The following ADORA2B variants were observed in gnomAD, a reference collection of about 807,000 sequenced individuals.
ADORA2B encodes adenosine receptor A2b.
A neutral mutation model predicts 20.8 loss-of-function variants in ADORA2B; 18 were observed. The observed-to-expected ratio is 0.87, with a 90% CI of 0.60 to 1.29. The LOEUF (loss-of-function observed/expected upper bound fraction) is 1.29. Ranked by LOEUF, ADORA2B falls within the 50% of genes most tolerant of loss-of-function variation. The probability of loss-of-function intolerance (pLI) is 0.00; values close to 1 mark genes in which losing one functional copy is unlikely to be tolerated. For synonymous variants in ADORA2B, 179 were observed against 178.3 expected, an observed-to-expected ratio of 1.00 and a Z score of -0.03; for missense variants, 441 against 422.7, an observed-to-expected ratio of 1.04 and a Z score of -0.38.
At chr17:15,885,335 T>C in the ADORA2B span, among the ~76,000 whole-genome samples, 1 of 152,176 alleles carries the variant, frequency 6.6e-6, no homozygotes, top group Non-Finnish European at 1.5e-5. Flanking sequence ...GGCTGTTCTT[T>C]GGGGCAATGC....
chr17:15,964,757 ATG>A (rs1970082265), intron 1 of ADORA2B, among the ~76,000 whole-genome samples: 1 of 151,078 alleles, frequency 6.6e-6, no homozygotes, highest in African/African-American at 2.5e-5. Context: ...TGAAAAATAG[ATG>A]AATATTAAAA....
At chr17:15,942,689 C>T (rs1395051917), upstream of ADORA2B, among the ~76,000 whole-genome samples, 1 of 152,230 alleles carries the variant, frequency 6.6e-6, no homozygotes, top group Non-Finnish European at 1.5e-5. Context: ...TCCTCTCCCT[C>T]TGCAAAATCT....
At chr17:15,950,927 C>T (rs985687543) in intron 1 of ADORA2B, among the ~76,000 whole-genome samples, 1 of 152,272 alleles carries the variant, frequency 6.6e-6, no homozygotes, top group African/African-American at 2.4e-5. Context: ...CATGTCCTTA[C>T]TCAGAGTCTC....
chr17:15,937,264 G>A, the ADORA2B span, among the ~76,000 whole-genome samples: 7,168 of 152,238 alleles, frequency 0.047, 535 homozygotes, highest in African/African-American at 0.16. Flanking sequence ...TGTGATGTCT[G>A]TATTTTTTGT....
chr17:15,964,494 A>G (rs908622317), intron 1 of ADORA2B, among the ~76,000 whole-genome samples: 2 of 151,440 alleles, frequency 1.3e-5, no homozygotes, highest in African/African-American at 2.4e-5. Flanking sequence ...CTGTAATCCC[A>G]GCTACTCAGG....
intron 1 of ADORA2B, among the ~76,000 whole-genome samples, chr17:15,953,891 C>T (rs1028417495): frequency 6.6e-6 from 1 of 152,192 alleles, no homozygotes; most frequent in Admixed American, 6.5e-5. Flanking sequence ...GAGGCAGCCA[C>T]TATTTCTCAT....
the ADORA2B span, among the ~76,000 whole-genome samples, chr17:15,899,814 A>C: frequency 0.092 from 13,881 of 151,396 alleles, 852 homozygotes; most frequent in Non-Finnish European, 0.14. Context: ...CATGGTGTTT[A>C]TATGTACCAC....
chr17:15,893,524 C>T, the ADORA2B span, among the ~76,000 whole-genome samples: 11 of 137,746 alleles, frequency 8.0e-5, no homozygotes, highest in African/African-American at 2.8e-4. Flanking sequence ...CTTTCTTCCT[C>T]CCTGCTGTAG....
the ADORA2B span, among the ~76,000 whole-genome samples, chr17:15,924,440 T>C: frequency 6.6e-6 from 1 of 152,196 alleles, no homozygotes; most frequent in Non-Finnish European, 1.5e-5. Flanking sequence ...TATTATAACT[T>C]TTCCCATAGT....
chr17:15,930,586 G>A, the ADORA2B span, among the ~76,000 whole-genome samples: 30 of 152,128 alleles, frequency 2.0e-4, no homozygotes, highest in Admixed American at 9.8e-4. Flanking sequence ...GTGAGCCACC[G>A]TGCCTGGCCA....
At chr17:15,882,467 G>A in the ADORA2B span, among the ~76,000 whole-genome samples, 414 of 152,244 alleles carry the variant, frequency 2.7e-3, 2 homozygotes, top group African/African-American at 9.5e-3. Flanking sequence ...TAATCCCAAC[G>A]CTTTGGAAAG....
chr17:15,906,556 A>G, the ADORA2B span, among the ~76,000 whole-genome samples: 3 of 152,186 alleles, frequency 2.0e-5, no homozygotes, highest in Non-Finnish European at 4.4e-5. Flanking sequence ...AAATTGGCCT[A>G]TAGTTTTCTT....
At chr17:15,906,948 G>A in the ADORA2B span, among the ~76,000 whole-genome samples, 2 of 152,168 alleles carry the variant, frequency 1.3e-5, no homozygotes, top group Admixed American at 1.3e-4. Flanking sequence ...TTGGACTTCT[G>A]AGTCCTCTCT....
chr17:15,924,069 T>C, the ADORA2B span, among the ~76,000 whole-genome samples: 1 of 152,086 alleles, frequency 6.6e-6, no homozygotes, highest in Non-Finnish European at 1.5e-5. Flanking sequence ...CCCACCACCA[T>C]ACCCAGCTAA....
the ADORA2B span, among the ~76,000 whole-genome samples, chr17:15,894,892 T>C: frequency 6.6e-6 from 1 of 152,154 alleles, no homozygotes. Flanking sequence ...TACAGTTCTC[T>C]AGAGAAGCAG....
At chr17:15,891,777 G>C in the ADORA2B span, among the ~76,000 whole-genome samples, 1 of 151,422 alleles carries the variant, frequency 6.6e-6, no homozygotes, top group Non-Finnish European at 1.5e-5. Flanking sequence ...CACTTCTTGG[G>C]TTCAAGTGAC....
the ADORA2B span, among the ~76,000 whole-genome samples, chr17:15,917,747 C>T: frequency 6.6e-6 from 1 of 152,236 alleles, no homozygotes; most frequent in Admixed American, 6.5e-5. Context: ...CTGGTCGCAT[C>T]AGGGGCTCCA....
At chr17:15,857,951 A>G in the ADORA2B span, among the ~76,000 whole-genome samples, 3 of 141,902 alleles carry the variant, frequency 2.1e-5, no homozygotes, top group South Asian at 4.5e-4. Context: ...TCTCCATTTT[A>G]TGGGTAATAA....
the ADORA2B span, among the ~76,000 whole-genome samples, chr17:15,928,721 G>A: frequency 8.7e-3 from 1,322 of 152,262 alleles, 21 homozygotes; most frequent in African/African-American, 0.03. Flanking sequence ...GGGAAAGAGC[G>A]TTGTGGAGGA....
Sources: gnomAD v4.1 joint callset for allele counts (sites outside exome capture counted in the v4.1 genomes callset) on GRCh38, gnomAD v4.1.1 for gene constraint, MANE v1.5 for transcripts, NCBI Gene and HGNC (gene_info 2026-07-23, HGNC 2026-07-21) for gene names.